The following PRKAR1B variants were observed in gnomAD, a reference collection of about 807,000 sequenced individuals.
The protein encoded by PRKAR1B is protein kinase cAMP-dependent type I regulatory subunit beta, also known as cAMP-dependent protein kinase type I-beta regulatory subunit.
In PRKAR1B, 22 loss-of-function variants were observed where a neutral mutation model predicts 46.5. The ratio of observed to expected loss-of-function variants is 0.47; its 90% CI spans 0.34 to 0.68. The LOEUF is 0.68. Ranked by LOEUF, PRKAR1B falls within the 30% of genes least tolerant of loss-of-function variation. The pLI is 0.01. For synonymous variants in PRKAR1B, 259 were observed against 217.7 expected (o/e 1.19, Z -1.67); for missense variants, 445 against 535.6 (o/e 0.83, Z 1.67).
At chr7:670,324 G>T (rs1455114878) in intron 4 of PRKAR1B, among the ~76,000 whole-genome samples, 1 of 152,128 alleles carries the variant, frequency 6.6e-6, no homozygotes, top group Admixed American at 6.5e-5. Context: ...CTGCAACCAC[G>T]CCAGGCCAGG....
intron 4 of PRKAR1B, among the ~76,000 whole-genome samples, chr7:634,555 G>A (rs779493116): frequency 1.2e-4 from 18 of 152,102 alleles, no homozygotes; most frequent in Non-Finnish European, 1.9e-4. Context: ...CAGGGTGAGC[G>A]CTGTGCCTGT....
At chr7:612,281 T>C (rs1381754088) in intron 4 of PRKAR1B, among the ~76,000 whole-genome samples, 21 of 138,812 alleles carry the variant, frequency 1.5e-4, no homozygotes, top group Non-Finnish European at 6.1e-5. Context: ...GATGGATGGA[T>C]AGATGGATGG....
chr7:674,528 T>C (rs1001166782), intron 4 of PRKAR1B, among the ~76,000 whole-genome samples: 6 of 150,596 alleles, frequency 4.0e-5, no homozygotes, highest in Non-Finnish European at 8.8e-5. Context: ...GCCCAGCTAC[T>C]CCAGCCAAAC....
At chr7:671,982 T>C (rs1022933659) in intron 4 of PRKAR1B, among the ~76,000 whole-genome samples, 1 of 152,154 alleles carries the variant, frequency 6.6e-6, no homozygotes, top group Non-Finnish European at 1.5e-5. Context: ...ACACACCATC[T>C]CTAAAAATGT....
rs569821227 is a variant in PRKAR1B at position 652,085 on chromosome 7, C to T, written c.440+25144G>A. 2.0e-3 allele frequency among the ~76,000 whole-genome samples: 257 copies of T among 128,082 alleles called. 3 individuals carry two copies. Among genetic ancestry groups the T allele is most frequent in the Non-Finnish European group, 3.0e-3 (179 of 60,072 alleles). 84.0% of individuals were successfully genotyped at this position (128,082 alleles called of 152,430 possible). On this transcript the variant is annotated intron_variant, in intron 4 of 10. Transcript: ENST00000537384. The stretch of plus-strand genomic sequence containing the variant: ...GGGAAACCCCTCTCGGAACACAGTT[C>T]ACACCCACACAGCGCTAGGAACCTG...
chr7:681,803 G>T (rs1778700925), intron 2 of PRKAR1B, among the ~76,000 whole-genome samples: 1 of 152,204 alleles, frequency 6.6e-6, no homozygotes, highest in South Asian at 2.1e-4. Context: ...CATCCGGCAT[G>T]GTCTTAGCCA....
intron 6 of PRKAR1B, among the ~76,000 whole-genome samples, chr7:605,050 G>T (rs1410696062): frequency 3.9e-5 from 6 of 152,240 alleles, no homozygotes; most frequent in African/African-American, 1.4e-4. Context: ...GCCGCAGAGG[G>T]TCCTACGAGG....
chr7:664,194 C>T (rs569793333), intron 4 of PRKAR1B, among the ~76,000 whole-genome samples: 6 of 152,294 alleles, frequency 3.9e-5, no homozygotes, highest in South Asian at 2.1e-4. Context: ...CGCTGGCAGG[C>T]GACGGGGCTA....
chr7:605,188 T>C (rs1781942981), intron 6 of PRKAR1B, among the ~76,000 whole-genome samples: 2 of 152,124 alleles, frequency 1.3e-5, no homozygotes, highest in African/African-American at 4.8e-5. Flanking sequence ...GGGCCGCCAG[T>C]GCAGGCGGAT....
chr7:654,021 C>T (rs1429683066), intron 4 of PRKAR1B, among the ~76,000 whole-genome samples: 3 of 151,664 alleles, frequency 2.0e-5, no homozygotes, highest in African/African-American at 2.4e-5. Context: ...TCTTCACCAC[C>T]GTCACCATCA....
Position 644,322 on chromosome 7 carries a change from C to T in PRKAR1B, c.440+32907G>A, listed in dbSNP as rs1784526992. ...CACTCACTCCCGGCTCCTGCTCCAC[C>T]CCACACTGTGAGGAGCTGGAGGTAC... On this transcript the variant is annotated intron_variant, in intron 4 of 10. Transcript: ENST00000537384. This position sits in a 1 kb window ranked among gnomAD's most constrained non-coding sequence, Gnocchi z 4.9. Among the ~76,000 whole-genome samples, 1 of 152,160 alleles carries T rather than the reference C, an allele frequency of 6.6e-6. No homozygotes were observed. Among genetic ancestry groups the T allele is most frequent in the Admixed American group, 6.5e-5 (1 of 15,274 alleles).
At position 550,190 on chromosome 7, in the gene PRKAR1B, A is replaced by C; in HGVS notation, c.*240T>G. On this transcript the variant is annotated 3_prime_UTR_variant, in exon 11 of 11. Transcript: ENST00000537384. Reference sequence around the variant, plus strand: ...CAGCCGGGGAGGCGTGTGGGGAGGAAGCTGGCCTGTCCCTTCCTTGATCTT... The same window carrying C: ...CAGCCGGGGAGGCGTGTGGGGAGGACGCTGGCCTGTCCCTTCCTTGATCTT... 2 of 514,216 alleles carry C rather than the reference A, an allele frequency of 3.9e-6. No homozygotes were observed. Among genetic ancestry groups the C allele is most frequent in the Non-Finnish European group, 7.0e-6 (2 of 285,138 alleles). 31.9% of individuals were successfully genotyped at this position (514,216 alleles called of 1,614,324 possible).
rs563352527 is a variant in PRKAR1B, at chr7:664,901, A to G, written c.440+12328T>C. Among the ~76,000 whole-genome samples the G allele has an allele frequency of 6.4e-4, 97 of 152,242 alleles. No homozygotes were observed. In the East Asian group the frequency reaches 0.015, roughly 24 times the overall value. On this transcript the variant is annotated intron_variant, in intron 4 of 10. Transcript: ENST00000537384. ...TACACTCCAGCCTGAGCAACGGAGC[A>G]AGACTGTGTCTCAAAAAAACAAAAA...
intron 4 of PRKAR1B, among the ~76,000 whole-genome samples, chr7:675,409 G>GA (rs1786526230): frequency 6.6e-6 from 1 of 152,200 alleles, no homozygotes; most frequent in African/African-American, 2.4e-5. Flanking sequence ...GGGAGGGGGA[G>GA]AAAAAGACAC....
intron 4 of PRKAR1B, among the ~76,000 whole-genome samples, chr7:659,343 A>C (rs1785377316): frequency 6.6e-6 from 1 of 152,190 alleles, no homozygotes; most frequent in Admixed American, 6.5e-5. Flanking sequence ...GGAGATGCTC[A>C]CTAAACACCT....
intron 2 of PRKAR1B, among the ~76,000 whole-genome samples, chr7:688,136 C>T (rs867998771): frequency 1.2e-4 from 18 of 147,280 alleles, no homozygotes; most frequent in African/African-American, 4.3e-4. Flanking sequence ...CACGGTGGCT[C>T]ACACCTGTAA....
At chr7:616,991 C>CTTTT (rs71016889) in intron 4 of PRKAR1B, among the ~76,000 whole-genome samples, 25 of 114,590 alleles carry the variant, frequency 2.2e-4, no homozygotes, top group East Asian at 5.1e-4. Flanking sequence ...CACCCAAGTG[C>CTTTT]TTTTTTTTTT....
At chr7:713,767 C>T (rs942916426) in intron 1 of PRKAR1B, among the ~76,000 whole-genome samples, 2 of 152,218 alleles carry the variant, frequency 1.3e-5, no homozygotes, top group East Asian at 1.9e-4. Context: ...CCAGCCCTGC[C>T]GAGCACATTC....
chr7:581,807 C>T (rs891609827), intron 8 of PRKAR1B, among the ~76,000 whole-genome samples: 1 of 152,108 alleles, frequency 6.6e-6, no homozygotes, highest in Non-Finnish European at 1.5e-5. Context: ...CCTTGAACTC[C>T]TGGGCTCAAG....
Sources: allele counts gnomAD v4.1 joint callset (sites outside exome capture counted in the v4.1 genomes callset), GRCh38; gene constraint gnomAD v4.1.1; non-coding constraint Gnocchi (gnomAD v3.1); transcripts MANE v1.5; gene names NCBI Gene and HGNC (gene_info 2026-07-23, HGNC 2026-07-21).